TENM3: variants seen among roughly 807,000 people sequenced by gnomAD.
TENM3 encodes teneurin-3.
TENM3 carries 63 observed loss-of-function variants against 255.1 expected under a neutral mutation model. That is an observed-to-expected ratio of 0.25 (90% CI 0.20 to 0.30). The LOEUF is 0.30. Among genes scored for constraint, TENM3 ranks in the 10% least tolerant of loss-of-function variants. TENM3 has a pLI of 1.00. For synonymous variants in TENM3, 1,306 were observed against 1,322.3 expected (o/e 0.99, Z 0.27); for missense variants, 2,929 against 3,461.1 (o/e 0.85, Z 3.86).
the TENM3 span, among the ~76,000 whole-genome samples, chr4:181,719,468 C>T: frequency 6.6e-6 from 1 of 152,110 alleles, no homozygotes; most frequent in East Asian, 1.9e-4. Context: ...AAAACACCAG[C>T]CGATTCAGTG....
At chr4:182,220,101 G>A (rs1036128527) in intron 1 of TENM3, among the ~76,000 whole-genome samples, 2 of 152,150 alleles carry the variant, frequency 1.3e-5, no homozygotes, top group African/African-American at 4.8e-5. Context: ...TTATGGCCAG[G>A]CACGTTGGCT....
intron 1 of TENM3, among the ~76,000 whole-genome samples, chr4:182,179,241 A>G (rs980678255): frequency 1.3e-5 from 2 of 152,192 alleles, no homozygotes; most frequent in Admixed American, 6.5e-5. Flanking sequence ...AAAGCACCCC[A>G]GGCTTTGGAT....
chr4:181,990,908 C>A, the TENM3 span, among the ~76,000 whole-genome samples: 1 of 152,040 alleles, frequency 6.6e-6, no homozygotes, highest in Non-Finnish European at 1.5e-5. Flanking sequence ...AAAATACTTA[C>A]TAAGGGGTGC....
chr4:181,811,867 T>G, the TENM3 span, among the ~76,000 whole-genome samples: 6 of 152,202 alleles, frequency 3.9e-5, no homozygotes, highest in African/African-American at 1.4e-4. Flanking sequence ...ACACTAGGCC[T>G]GCAGAATACC....
chr4:182,754,363 G>A lies in TENM3; in HGVS notation c.4018-22G>A. 1.9e-6 allele frequency: 3 copies of A among 1,556,398 alleles called. No individual in the cohort carries two copies. Among genetic ancestry groups the A allele is most frequent in the Non-Finnish European group, 2.6e-6 (3 of 1,148,694 alleles). ...CTGTAGTGCAGTAACTTACTAACCAGGCCATTTCTTTTTTTATTAAGGTAC... is the reference window on the plus strand; with the variant it reads ...CTGTAGTGCAGTAACTTACTAACCAAGCCATTTCTTTTTTTATTAAGGTAC... On this transcript the variant is annotated intron_variant, in intron 21 of 27. Coordinates refer to ENST00000511685, the MANE Select transcript of TENM3 (RefSeq NM_001080477.4). This position sits in a 1 kb window ranked among gnomAD's most constrained non-coding sequence, Gnocchi z 5.1.
chr4:182,633,747 C>T (rs920655319), intron 5 of TENM3, among the ~76,000 whole-genome samples: 2 of 152,172 alleles, frequency 1.3e-5, no homozygotes, highest in Non-Finnish European at 2.9e-5. Flanking sequence ...AGAGATGGCT[C>T]GCCTGAAGGC....
the TENM3 span, among the ~76,000 whole-genome samples, chr4:181,763,147 G>C: frequency 6.6e-6 from 1 of 152,256 alleles, no homozygotes; most frequent in East Asian, 1.9e-4. Flanking sequence ...CTAAGAAATT[G>C]ATGGACTACT....
intron 5 of TENM3, among the ~76,000 whole-genome samples, chr4:182,640,079 A>G (rs894056427): frequency 3.3e-5 from 5 of 152,008 alleles, no homozygotes; most frequent in Admixed American, 3.3e-4. Context: ...ATAGAGCAAG[A>G]CTCTGTCTCA....
At chr4:181,576,477 C>A in the TENM3 span, among the ~76,000 whole-genome samples, 2 of 152,126 alleles carry the variant, frequency 1.3e-5, no homozygotes, top group Non-Finnish European at 2.9e-5. Context: ...GGTTCTATTT[C>A]TAGTCCCTTG....
chr4:182,451,178 A>G (rs1773425167), intron 3 of TENM3, among the ~76,000 whole-genome samples: 1 of 152,222 alleles, frequency 6.6e-6, no homozygotes, highest in African/African-American at 2.4e-5. Context: ...AAAAATATTT[A>G]AAGTATTCAG....
chr4:181,838,420 T>C, the TENM3 span, among the ~76,000 whole-genome samples: 1 of 152,216 alleles, frequency 6.6e-6, no homozygotes, highest in Non-Finnish European at 1.5e-5. Context: ...TTTGGGCATC[T>C]GGAATTTGCT....
At chr4:182,321,248 A>G (rs28403473) in intron 1 of TENM3, among the ~76,000 whole-genome samples, 11,324 of 152,216 alleles carry the variant, frequency 0.074, 506 homozygotes, top group East Asian at 0.14. Context: ...CCCCATAAGG[A>G]CAGGAACATT....
At chr4:181,550,605 A>G in the TENM3 span, among the ~76,000 whole-genome samples, 3 of 152,206 alleles carry the variant, frequency 2.0e-5, no homozygotes, top group Admixed American at 6.5e-5. Flanking sequence ...GGAACATGAA[A>G]TGACTGGCAT....
At chr4:182,129,780 T>C in the TENM3 span, among the ~76,000 whole-genome samples, 2 of 152,158 alleles carry the variant, frequency 1.3e-5, no homozygotes, top group South Asian at 4.1e-4. Context: ...AGAAGGTCAA[T>C]GTTCAATTGC....
chr4:182,202,299 CTTTTTTTT>C (rs773698031), intron 1 of TENM3, among the ~76,000 whole-genome samples: 1 of 100,624 alleles, frequency 9.9e-6, no homozygotes, highest in African/African-American at 4.2e-5. Context: ...GTGCACTGCA[CTTTTTTTT>C]TTTTTTTTTT....
chr4:182,057,707 C>T, the TENM3 span, among the ~76,000 whole-genome samples: 1 of 152,008 alleles, frequency 6.6e-6, no homozygotes, highest in African/African-American at 2.4e-5. Context: ...GGCCCCAAAT[C>T]GTTCATTTCA....
intron 24 of TENM3, among the ~76,000 whole-genome samples, chr4:182,786,974 G>T (rs1397574886): frequency 6.6e-6 from 1 of 152,194 alleles, no homozygotes; most frequent in African/African-American, 2.4e-5. Flanking sequence ...CAAAATTAGA[G>T]TGCAGGTATA....
chr4:182,064,649 A>C, the TENM3 span, among the ~76,000 whole-genome samples: 1 of 152,168 alleles, frequency 6.6e-6, no homozygotes, highest in Non-Finnish European at 1.5e-5. Context: ...TAAATCAAGA[A>C]GAGATGTCAT....
At chr4:182,340,982 A>G (rs1764453148) in intron 2 of TENM3, among the ~76,000 whole-genome samples, 2 of 152,180 alleles carry the variant, frequency 1.3e-5, no homozygotes, top group Non-Finnish European at 2.9e-5. Context: ...TGTAGGAGAA[A>G]TGAATGGTTA....
Sources: allele counts gnomAD v4.1 joint callset (sites outside exome capture counted in the v4.1 genomes callset), GRCh38; gene constraint gnomAD v4.1.1; non-coding constraint Gnocchi (gnomAD v3.1); transcripts MANE v1.5; gene names NCBI Gene and HGNC (gene_info 2026-07-23, HGNC 2026-07-21).